The following RIT1 variants were observed in gnomAD, a reference collection of about 807,000 sequenced individuals.
The protein encoded by RIT1 is GTP-binding protein Rit1.
RIT1 carries 6 observed loss-of-function variants against 25.6 expected under a neutral mutation model. The observed-to-expected ratio is 0.23, with a 90% CI of 0.13 to 0.46. The LOEUF (loss-of-function observed/expected upper bound fraction) is 0.46, where lower values mean the gene tolerates loss of function less well. Among genes scored for constraint, RIT1 ranks in the 20% least tolerant of loss-of-function variants. RIT1 has a pLI of 0.99. For synonymous variants in RIT1, 81 were observed against 94.1 expected (o/e 0.86, Z 0.80); for missense variants, 219 against 284.4 (o/e 0.77, Z 1.65).
rs549546069 is a variant in RIT1, at chr1:155,898,587, A to C, written c.*1801T>G. ...AATTCCCTAGGTCACTAGTAATAAG[A>C]AGCTATGGGCTTTAAACTTAAAAGG... On this transcript the variant is annotated 3_prime_UTR_variant, in exon 6 of 6. Coordinates refer to ENST00000368323, the MANE Select transcript of RIT1 (RefSeq NM_006912.6). 137 of 162,434 alleles carry C rather than the reference A, an allele frequency of 8.4e-4. No individual in the cohort carries two copies. In the Middle Eastern group the frequency reaches 0.019, roughly 23 times the overall value. The allele number at this position is 162,434 out of a possible 1,614,324, so 10.1% of individuals were successfully genotyped here. A position where few individuals can be genotyped will look rare whatever the true frequency, so the allele number is the denominator to read the frequency against.
In RIT1 at chr1:155,910,479, C is replaced by T; in HGVS notation, c.134G>A (p.Arg45Gln). ...SAMTMQFISH[R>Q]FPEDHDPTIE... Reference sequence around the variant, plus strand: ...GGTGGGATCATGATCTTCTGGGAATCGGTGGCTGATGAACTGCATGGTCAT... The same window carrying T: ...GGTGGGATCATGATCTTCTGGGAATTGGTGGCTGATGAACTGCATGGTCAT... Residue 45 changes from arginine (R) to glutamine (Q), a missense_variant, in exon 3 of 6, where the codon CGA (arginine) becomes CAA (glutamine). This residue lies in a region of RIT1 where 131 missense variants were observed against 173.6 expected (regional missense o/e 0.75). Coordinates refer to ENST00000368323, the MANE Select transcript of RIT1 (RefSeq NM_006912.6). 3 of 1,614,090 alleles carry T rather than the reference C, an allele frequency of 1.9e-6. No homozygotes were observed. Among genetic ancestry groups the T allele is most frequent in the Non-Finnish European group, 1.7e-6 (2 of 1,179,958 alleles).
intron 1 of RIT1, 166 bp from the exon 2 acceptor site, chr1:155,910,970 C>T: frequency 1.2e-6 from 1 of 823,968 alleles, no homozygotes; most frequent in Non-Finnish European, 1.8e-6. Context: ...GAAACCCCCC[C>T]ATCTTCACCC....
At chr1:155,910,993 A>T (rs1341823422) in intron 1 of RIT1, 189 bp from the exon 2 acceptor site, 1 of 1,318,688 alleles carries the variant, frequency 7.6e-7, no homozygotes, top group Non-Finnish European at 1.1e-6. Flanking sequence ...CCTCCTAGAC[A>T]GTTCAGTCAC....
Position 155,900,638 on chromosome 1 carries a change from GA to G in RIT1, c.430-21del. ...GGTGACCTTTAAGGGCAAAATGTGA[GA>G]AAAGATAACAGTGAAAAACAATTAA... On this transcript the variant is annotated intron_variant, in intron 5 of 5. Transcript: ENST00000368323. 1 of 1,596,914 alleles carries G rather than the reference GA, an allele frequency of 6.3e-7. No homozygotes were observed. The highest frequency in any genetic ancestry group is 1.1e-5 in the South Asian group (1 of 90,366).
chr1:155,903,336 C>T (rs758872200), intron 5 of RIT1, among the ~76,000 whole-genome samples: 2 of 151,344 alleles, frequency 1.3e-5, no homozygotes, highest in Non-Finnish European at 2.9e-5. Flanking sequence ...GCCTGTAATC[C>T]CAGCTACTCA....
intron 2 of RIT1, 30 bp from the exon 3 acceptor site, chr1:155,910,536 TCA>T: frequency 6.2e-7 from 1 of 1,612,872 alleles, no homozygotes; most frequent in South Asian, 1.1e-5. Context: ...AGTCAAATCC[TCA>T]CAAAGGTGAC....
Position 155,904,796 on chromosome 1 carries a change from A to G in RIT1, c.172T>C (p.Tyr58His). The change falls in exon 4 of 6, where the codon TAT becomes CAT. Residue 58 changes from tyrosine to histidine, a missense_variant. Around this residue, in one of 3 missense-constraint regions of RIT1, gnomAD observed 131 missense variants for 173.6 expected, o/e 0.75. Transcript: ENST00000368323. Reference sequence around the variant, plus strand: ...TCATCAATACGGATCCTGATCTTATAAGCATCTTCTACAGGAGGGAAGAAA... The same window carrying G: ...TCATCAATACGGATCCTGATCTTATGAGCATCTTCTACAGGAGGGAAGAAA... ...EDHDPTIEDAYKIRIRIDDEP... is the reference protein window; with the variant it reads ...EDHDPTIEDAHKIRIRIDDEP... 6.2e-7 allele frequency: 1 copy of G among 1,609,442 alleles called. No homozygotes were observed. Among genetic ancestry groups the G allele is most frequent in the Non-Finnish European group, 8.5e-7 (1 of 1,175,762 alleles).
chr1:155,898,046 A>G lies in RIT1; in HGVS notation c.*2342T>C, dbSNP rs2102577945. 3 of 152,450 alleles carry G rather than the reference A, an allele frequency of 2.0e-5. No individual in the cohort carries two copies. The South Asian group carries it at 6.2e-4, about 32-fold the overall frequency. The allele number at this position is 152,450 out of a possible 1,614,324, so 9.4% of individuals were successfully genotyped here. ...GAACAGTTCCAGTGCCTTTCAACTTATCCCTGAATTTTTCTCTTCTCAAAG... is the reference window on the plus strand; with the variant it reads ...GAACAGTTCCAGTGCCTTTCAACTTGTCCCTGAATTTTTCTCTTCTCAAAG... On this transcript the variant is annotated 3_prime_UTR_variant, in exon 6 of 6. Coordinates refer to ENST00000368323, the MANE Select transcript of RIT1 (RefSeq NM_006912.6).
Position 155,898,484 on chromosome 1 carries a change from T to G in RIT1, c.*1904A>C, listed in dbSNP as rs1673230471. The G allele has an allele frequency of 9.9e-6, 1 of 100,912 alleles. No individual in the cohort carries two copies. Among genetic ancestry groups the G allele is most frequent in the African/African-American group, 4.0e-5 (1 of 25,278 alleles). 6.3% of individuals were successfully genotyped at this position (100,912 alleles called of 1,614,324 possible). A position where few individuals can be genotyped will look rare whatever the true frequency, so the allele number is the denominator to read the frequency against. ...GCCTGGGCAACATAGTGAAACCTCA[T>G]CTCTATTTAAAAAAAAAAAAAAAAA... On this transcript the variant is annotated 3_prime_UTR_variant, in exon 6 of 6. Coordinates refer to ENST00000368323, the MANE Select transcript of RIT1 (RefSeq NM_006912.6).
chr1:155,907,196 G>A (rs1304637879), intron 3 of RIT1, among the ~76,000 whole-genome samples: 1 of 151,352 alleles, frequency 6.6e-6, no homozygotes, highest in Admixed American at 6.6e-5. Flanking sequence ...ATACACATGC[G>A]CTTGTGTATA....
At chr1:155,904,855 T>C (rs969875253) in intron 3 of RIT1, 51 bp from the exon 4 acceptor site, 5 of 1,249,360 alleles carry the variant, frequency 4.0e-6, no homozygotes, top group Middle Eastern at 1.9e-4. Flanking sequence ...CCGGAAGAAA[T>C]GCCTATTTAA....
Position 155,898,912 on chromosome 1 carries a change from A to C in RIT1, c.*1476T>G, listed in dbSNP as rs889412840. Reference sequence around the variant, plus strand: ...ATAAAGAAAAACACAACTCTGTCCTACTTCCTCTAATAAAAATGGAAAATA... The same window carrying C: ...ATAAAGAAAAACACAACTCTGTCCTCCTTCCTCTAATAAAAATGGAAAATA... On this transcript the variant is annotated 3_prime_UTR_variant, in exon 6 of 6. Coordinates refer to ENST00000368323, the MANE Select transcript of RIT1 (RefSeq NM_006912.6). 20 of 209,098 alleles carry C rather than the reference A, an allele frequency of 9.6e-5. No homozygotes were observed. The highest frequency in any genetic ancestry group is 1.2e-4 in the Non-Finnish European group (12 of 102,802). 13.0% of individuals were successfully genotyped at this position (209,098 alleles called of 1,614,324 possible). A position where few individuals can be genotyped will look rare whatever the true frequency, so the allele number is the denominator to read the frequency against.
intron 5 of RIT1, among the ~76,000 whole-genome samples, chr1:155,901,839 C>T (rs928779873): frequency 3.3e-5 from 5 of 151,694 alleles, no homozygotes; most frequent in African/African-American, 7.3e-5. Flanking sequence ...AAGTTGGGTG[C>T]GGTGGCTCAT....
chr1:155,910,615 T>G (rs765435035), intron 2 of RIT1, 41 bp downstream of exon 2: 65 of 1,610,926 alleles, frequency 4.0e-5, no homozygotes, highest in Non-Finnish European at 5.5e-5. Flanking sequence ...ATTTAAGTAC[T>G]TTTCATCCAT....
Position 155,910,581 on chromosome 1 carries a change from AGATAGCAAGTATCCCATCT to A in RIT1, c.106+56_106+74del, listed in dbSNP as rs1403109417. On this transcript the variant is annotated intron_variant, in intron 2 of 5. Coordinates refer to ENST00000368323, the MANE Select transcript of RIT1 (RefSeq NM_006912.6). ...GAGAATTTTAAGTATTAACATTGCA[AGATAGCAAGTATCCCATCT>A]GGTCATTTAAGTACTTTTCATCCAT... 3 of 1,606,938 alleles carry A rather than the reference AGATAGCAAGTATCCCATCT, an allele frequency of 1.9e-6. No individual in the cohort carries two copies. In the East Asian group the frequency reaches 6.7e-5, roughly 36 times the overall value.
chr1:155,910,234 T>C, intron 3 of RIT1: 1 of 555,880 alleles, frequency 1.8e-6, no homozygotes, highest in African/African-American at 1.9e-5. Flanking sequence ...CCCATTAATG[T>C]TCAGTAAGAG....
At chr1:155,908,011 AC>A (rs1178071455) in intron 3 of RIT1, among the ~76,000 whole-genome samples, 1 of 149,756 alleles carries the variant, frequency 6.7e-6, no homozygotes, top group Non-Finnish European at 1.5e-5. Context: ...AATGGCATGA[AC>A]CCCGGGGGGG....
At position 155,899,594 on chromosome 1, in the gene RIT1, A is replaced by T. The variant is rs1173949243; in HGVS notation, c.*794T>A. On this transcript the variant is annotated 3_prime_UTR_variant, in exon 6 of 6. Coordinates refer to ENST00000368323, the MANE Select transcript of RIT1 (RefSeq NM_006912.6). The stretch of plus-strand genomic sequence containing the variant: ...CTGATCCAACTATGAATTTTGATTA[A>T]ACACGTTTAGTAATACAGTTATGAT... 1 of 226,052 alleles carries T rather than the reference A, an allele frequency of 4.4e-6. No individual in the cohort carries two copies. Among genetic ancestry groups the T allele is most frequent in the Non-Finnish European group, 8.8e-6 (1 of 113,362 alleles). 14.0% of individuals were successfully genotyped at this position (226,052 alleles called of 1,614,324 possible).
At chr1:155,903,505 T>C (rs528564003) in intron 5 of RIT1, among the ~76,000 whole-genome samples, 4 of 144,090 alleles carry the variant, frequency 2.8e-5, no homozygotes, top group Non-Finnish European at 4.6e-5. Flanking sequence ...GAAAGAGATA[T>C]ATGCTTACAC....
Sources: gnomAD v4.1 joint callset for allele counts (sites outside exome capture counted in the v4.1 genomes callset) on GRCh38, gnomAD v4.1.1 for gene constraint, gnomAD v4.1.1 regional missense constraint, MANE v1.5 for transcripts, NCBI Gene and HGNC (gene_info 2026-07-23, HGNC 2026-07-21) for gene names.